The following SLC16A12 variants were observed in gnomAD, a reference collection of about 807,000 sequenced individuals.
SLC16A12 encodes the protein solute carrier family 16 member 12, also known as monocarboxylate transporter 12.
Under a neutral mutation model 42.4 loss-of-function variants are expected in SLC16A12, and 17 were observed. The observed-to-expected ratio is 0.40, with a 90% CI of 0.27 to 0.60. The LOEUF (loss-of-function observed/expected upper bound fraction) is 0.60. SLC16A12 is among the 20% of genes least tolerant of loss of function. The pLI is 0.42. For synonymous variants in SLC16A12, 224 were observed against 229.4 expected (o/e 0.98, Z 0.21); for missense variants, 544 against 623.0 (o/e 0.87, Z 1.35).
chr10:89,493,550 A>G (rs1842879519), intron 2 of SLC16A12, among the ~76,000 whole-genome samples: 1 of 152,146 alleles, frequency 6.6e-6, no homozygotes, highest in African/African-American at 2.4e-5. Flanking sequence ...CTAAAGTCCT[A>G]CTTTTTAAAG....
At chr10:89,436,888 G>GAAAGAAAGAAAGAAAGAAAA in intron 6 of SLC16A12, among the ~76,000 whole-genome samples, 1 of 146,408 alleles carries the variant, frequency 6.8e-6, no homozygotes, top group Non-Finnish European at 1.5e-5. Context: ...AAGAAAGAAA[G>GAAAGAAAGAAAGAAAGAAAA]AAAGAAAGAA....
intron 2 of SLC16A12, among the ~76,000 whole-genome samples, chr10:89,516,953 T>TG (rs769003840): frequency 7.2e-5 from 11 of 152,244 alleles, no homozygotes; most frequent in Admixed American, 1.3e-4. Context: ...CCAGGCATGA[T>TG]GGCTCATACC....
intron 2 of SLC16A12, among the ~76,000 whole-genome samples, chr10:89,554,037 A>AAAGG (rs1564607060): frequency 2.7e-4 from 12 of 43,870 alleles, no homozygotes; most frequent in African/African-American, 5.3e-4. Flanking sequence ...AGAAAGGAAG[A>AAAGG]AAGAAAGAAA....
intron 5 of SLC16A12, among the ~76,000 whole-genome samples, chr10:89,440,104 C>CA (rs1459047965): frequency 1.0e-5 from 1 of 98,766 alleles, no homozygotes; most frequent in Non-Finnish European, 2.3e-5. Context: ...AAAAAAAGAT[C>CA]AATTTCTATT....
At chr10:89,531,163 G>A (rs978449582) in intron 2 of SLC16A12, among the ~76,000 whole-genome samples, 29 of 152,020 alleles carry the variant, frequency 1.9e-4, no homozygotes, top group African/African-American at 6.5e-4. Flanking sequence ...GCCAAGGCAG[G>A]CAGATCACCT....
chr10:89,536,162 G>A (rs1843657618), upstream of SLC16A12, among the ~76,000 whole-genome samples: 1 of 152,186 alleles, frequency 6.6e-6, no homozygotes, highest in Non-Finnish European at 1.5e-5. Context: ...AAGCCGAGGG[G>A]AGCTCGGTGT....
At chr10:89,471,097 T>C (rs1295005012) in intron 2 of SLC16A12, among the ~76,000 whole-genome samples, 1 of 152,210 alleles carries the variant, frequency 6.6e-6, no homozygotes, top group Admixed American at 6.5e-5. Context: ...CTGTTAAACA[T>C]TTTTAAATTG....
chr10:89,539,173 T>C (rs1203059602), upstream of SLC16A12, among the ~76,000 whole-genome samples: 2 of 152,230 alleles, frequency 1.3e-5, no homozygotes, highest in East Asian at 3.8e-4. Flanking sequence ...TAGTCTTCTT[T>C]ACCATGCTGT....
chr10:89,454,729 C>T (rs1269274032), intron 3 of SLC16A12, among the ~76,000 whole-genome samples: 1 of 151,974 alleles, frequency 6.6e-6, no homozygotes, highest in African/African-American at 2.4e-5. Flanking sequence ...AGGAAGGTTT[C>T]CCTGACCACT....
chr10:89,463,615 T>A (rs1004609023), intron 2 of SLC16A12, among the ~76,000 whole-genome samples: 1 of 152,108 alleles, frequency 6.6e-6, no homozygotes, highest in African/African-American at 2.4e-5. Context: ...ATAAAAAAAA[T>A]TTCGTTAATT....
chr10:89,446,107 T>C (rs1341590058), intron 3 of SLC16A12, among the ~76,000 whole-genome samples: 2 of 152,084 alleles, frequency 1.3e-5, no homozygotes, highest in African/African-American at 4.8e-5. Context: ...TGGGACTATG[T>C]GAAAAGACCA....
At chr10:89,522,577 G>A (rs1183946454) in intron 2 of SLC16A12, among the ~76,000 whole-genome samples, 1 of 152,190 alleles carries the variant, frequency 6.6e-6, no homozygotes, top group Non-Finnish European at 1.5e-5. Context: ...CAGAAACTAA[G>A]TGCTTGGTGT....
chr10:89,536,245 G>T (rs1294079909), upstream of SLC16A12, among the ~76,000 whole-genome samples: 2 of 152,156 alleles, frequency 1.3e-5, no homozygotes, highest in Admixed American at 6.5e-5. Context: ...TCCTTTAGGT[G>T]TATCTGGCAG....
chr10:89,520,057 G>C (rs1480268476), intron 2 of SLC16A12, among the ~76,000 whole-genome samples: 1 of 150,912 alleles, frequency 6.6e-6, no homozygotes, highest in African/African-American at 2.4e-5. Context: ...AGGTTGCAGT[G>C]AGCCGAGATC....
At chr10:89,445,578 C>T (rs1194064863) in intron 3 of SLC16A12, among the ~76,000 whole-genome samples, 2 of 152,158 alleles carry the variant, frequency 1.3e-5, no homozygotes, top group Admixed American at 1.3e-4. Context: ...AAAGGACATC[C>T]ACACCGAAAC....
intron 2 of SLC16A12, among the ~76,000 whole-genome samples, chr10:89,464,674 A>C (rs1303569691): frequency 6.6e-6 from 1 of 152,218 alleles, no homozygotes; most frequent in Non-Finnish European, 1.5e-5. Flanking sequence ...CAACTTTCTC[A>C]AGAAAATGGC....
chr10:89,519,881 G>A (rs1346185316), intron 2 of SLC16A12, among the ~76,000 whole-genome samples: 7 of 152,184 alleles, frequency 4.6e-5, no homozygotes, highest in Non-Finnish European at 1.0e-4. Context: ...TTGGGAGGCT[G>A]AGGCGGGCAG....
chr10:89,515,749 A>C (rs1365204133), intron 2 of SLC16A12, among the ~76,000 whole-genome samples: 1 of 152,160 alleles, frequency 6.6e-6, no homozygotes, highest in Non-Finnish European at 1.5e-5. Context: ...AGAGCCATGG[A>C]ATTCATAACT....
At position 89,462,631 on chromosome 10, in the gene SLC16A12, C is replaced by T. The variant is rs184554241; in HGVS notation, c.-46-7G>A. Reference sequence around the variant, plus strand: ...CCCATGGGTTACTCGCCATCTAAAACCAAAAATCAGGACATATTTATATCT... The same window carrying T: ...CCCATGGGTTACTCGCCATCTAAAATCAAAAATCAGGACATATTTATATCT... On this transcript the variant is annotated splice_region_variant and splice_polypyrimidine_tract_variant and intron_variant, in intron 2 of 7. Transcript: ENST00000371790. 7.2e-6 allele frequency: 11 copies of T among 1,533,690 alleles called. No individual in the cohort carries two copies. The East Asian group carries it at 2.2e-4, about 31-fold the overall frequency.
Sources: gnomAD v4.1 joint callset for allele counts (sites outside exome capture counted in the v4.1 genomes callset) on GRCh38, gnomAD v4.1.1 for gene constraint, MANE v1.5 for transcripts, NCBI Gene and HGNC (gene_info 2026-07-23, HGNC 2026-07-21) for gene names.